ESRRG: variants seen among roughly 807,000 people sequenced by gnomAD.
ESRRG encodes estrogen related receptor gamma.
A neutral mutation model predicts 44.0 loss-of-function variants in ESRRG; 13 were observed. The ratio of observed to expected loss-of-function variants is 0.30; its 90% CI spans 0.19 to 0.47. The LOEUF (loss-of-function observed/expected upper bound fraction) is 0.47. ESRRG is among the 20% of genes least tolerant of loss of function. The pLI is 1.00. For synonymous variants in ESRRG, 215 were observed against 214.6 expected (o/e 1.00, Z -0.02); for missense variants, 395 against 580.6 (o/e 0.68, Z 3.29).
chr1:216,705,954 C>T (rs773955234), intron 1 of ESRRG, among the ~76,000 whole-genome samples: 14 of 152,152 alleles, frequency 9.2e-5, no homozygotes, highest in African/African-American at 3.4e-4. Flanking sequence ...TAACACTGAG[C>T]GGTGTGTAGT....
At chr1:216,901,097 T>C (rs2059016512) in intron 2 of ESRRG, among the ~76,000 whole-genome samples, 1 of 151,930 alleles carries the variant, frequency 6.6e-6, no homozygotes, top group Non-Finnish European at 1.5e-5. Flanking sequence ...TAACAAAACA[T>C]GATTGGAATT....
chr1:217,080,763 C>T (rs530762673), intron 1 of ESRRG, among the ~76,000 whole-genome samples: 20 of 148,544 alleles, frequency 1.3e-4, no homozygotes, highest in African/African-American at 4.3e-4. Context: ...CTGCAAGCTT[C>T]GCCTCCCGGG....
At chr1:216,670,802 T>G (rs927179350) in intron 2 of ESRRG, among the ~76,000 whole-genome samples, 1 of 151,936 alleles carries the variant, frequency 6.6e-6, no homozygotes, top group Non-Finnish European at 1.5e-5. Flanking sequence ...GATTGGGAGA[T>G]AGAGGAGAGA....
At chr1:216,727,024 A>T (rs2087668275), upstream of ESRRG, among the ~76,000 whole-genome samples, 1 of 152,168 alleles carries the variant, frequency 6.6e-6, no homozygotes, top group Non-Finnish European at 1.5e-5. Context: ...TCTTGCTGTT[A>T]TTGCATATTA....
intron 1 of ESRRG, among the ~76,000 whole-genome samples, chr1:216,717,916 T>G (rs1314414797): frequency 6.6e-6 from 1 of 151,860 alleles, no homozygotes; most frequent in Non-Finnish European, 1.5e-5. Flanking sequence ...AAGAAAAGAA[T>G]GTAGCCAAGA....
intron 1 of ESRRG, among the ~76,000 whole-genome samples, chr1:216,679,272 C>T (rs995502007): frequency 2.0e-5 from 3 of 152,198 alleles, no homozygotes; most frequent in African/African-American, 7.2e-5. Context: ...TGCCTTGTAC[C>T]CGTCACTGTT....
chr1:217,068,376 CA>C (rs2090080196), intron 1 of ESRRG, among the ~76,000 whole-genome samples: 1 of 150,952 alleles, frequency 6.6e-6, no homozygotes, highest in Non-Finnish European at 1.5e-5. Flanking sequence ...TTAACATCTC[CA>C]GGGGCGTTTA....
At chr1:216,564,129 G>T (rs1240615334) in intron 5 of ESRRG, 90 bp downstream of exon 5, 2 of 735,990 alleles carry the variant, frequency 2.7e-6, no homozygotes, top group Non-Finnish European at 4.2e-6. Flanking sequence ...AAGTCTAAAT[G>T]AGAAAAATTT....
chr1:216,703,268 A>G (rs1306135901), intron 1 of ESRRG, among the ~76,000 whole-genome samples: 1 of 152,198 alleles, frequency 6.6e-6, no homozygotes, highest in South Asian at 2.1e-4. Context: ...TGGGCCACAT[A>G]TGAAATACAC....
chr1:216,952,241 A>G (rs560628496), intron 1 of ESRRG, among the ~76,000 whole-genome samples: 16 of 152,286 alleles, frequency 1.1e-4, no homozygotes, highest in Middle Eastern at 3.4e-3. Flanking sequence ...TAGACTTTCT[A>G]CAACCTCTTC....
chr1:216,558,133 A>G (rs2057964078), intron 5 of ESRRG, among the ~76,000 whole-genome samples: 1 of 152,156 alleles, frequency 6.6e-6, no homozygotes, highest in African/African-American at 2.4e-5. Flanking sequence ...CTTGAACTAG[A>G]TCTCTGCCTA....
intron 1 of ESRRG, among the ~76,000 whole-genome samples, chr1:217,032,980 C>A (rs761548771): frequency 6.6e-6 from 1 of 152,086 alleles, no homozygotes; most frequent in Non-Finnish European, 1.5e-5. Flanking sequence ...CCTGTGGCCA[C>A]GTGCCTGCAG....
chr1:216,696,744 A>T (rs935764811), intron 1 of ESRRG, among the ~76,000 whole-genome samples: 2 of 152,126 alleles, frequency 1.3e-5, no homozygotes, highest in African/African-American at 4.8e-5. Flanking sequence ...TTCCTGGCCA[A>T]ATAGTTGCTG....
chr1:216,622,636 G>A (rs977309205), intron 3 of ESRRG, among the ~76,000 whole-genome samples: 8 of 106,112 alleles, frequency 7.5e-5, no homozygotes, highest in Non-Finnish European at 1.7e-4. Flanking sequence ...ACACACACAC[G>A]CTTCCCATAA....
intron 3 of ESRRG, among the ~76,000 whole-genome samples, chr1:216,607,588 T>C (rs1485492948): frequency 2.0e-5 from 3 of 152,190 alleles, no homozygotes. Context: ...ATGACTCTAA[T>C]CTGATAGACC....
chr1:217,015,527 C>G (rs1450202265), intron 1 of ESRRG, among the ~76,000 whole-genome samples: 1 of 152,036 alleles, frequency 6.6e-6, no homozygotes, highest in Non-Finnish European at 1.5e-5. Flanking sequence ...TACACAGGAG[C>G]TCTAAGTGTT....
At chr1:216,855,434 G>T (rs1577283571) in intron 2 of ESRRG, among the ~76,000 whole-genome samples, 1 of 152,006 alleles carries the variant, frequency 6.6e-6, no homozygotes, top group East Asian at 1.9e-4. Flanking sequence ...ATATCTGTGG[G>T]TATATTATTT....
At chr1:216,736,647 C>T (rs2089969160) in intron 2 of ESRRG, among the ~76,000 whole-genome samples, 1 of 152,128 alleles carries the variant, frequency 6.6e-6, no homozygotes, top group African/African-American at 2.4e-5. Context: ...CATCTGTACC[C>T]TTGCGCTAGC....
intron 1 of ESRRG, among the ~76,000 whole-genome samples, chr1:216,716,832 ATAGG>A (rs1431328339): frequency 1.3e-5 from 2 of 151,902 alleles, no homozygotes. Context: ...CCATATAGCC[ATAGG>A]TTGTATTTCT....
Sources: gnomAD v4.1 joint callset for allele counts (sites outside exome capture counted in the v4.1 genomes callset) on GRCh38, gnomAD v4.1.1 for gene constraint, MANE v1.5 for transcripts, NCBI Gene and HGNC (gene_info 2026-07-23, HGNC 2026-07-21) for gene names.